TLE2: variants seen among roughly 807,000 people sequenced by gnomAD.
TLE2 encodes transducin-like enhancer protein 2.
A neutral mutation model predicts 97.2 loss-of-function variants in TLE2; 74 were observed. That is an observed-to-expected ratio of 0.76 (90% CI 0.63 to 0.92). The LOEUF (loss-of-function observed/expected upper bound fraction) is 0.92, where lower values mean the gene tolerates loss of function less well. Ranked by LOEUF, TLE2 falls within the 40% of genes least tolerant of loss-of-function variation. The pLI, the probability that TLE2 is intolerant of heterozygous loss-of-function variation, is 0.00. For missense variants in TLE2, 1,038 were observed against 1,008.7 expected (o/e 1.03, Z -0.39); for synonymous variants, 499 against 432.1 (o/e 1.15, Z -1.92).
At chr19:3,008,984 C>T in intron 13 of TLE2, 39 bp from the exon 14 acceptor site, 1 of 1,508,590 alleles carries the variant, frequency 6.6e-7, no homozygotes, top group South Asian at 1.3e-5. Flanking sequence ...AGGCAGGTGA[C>T]TCCAACCCAC....
chr19:3,041,926 G>A (rs1205287166), intron 1 of TLE2, among the ~76,000 whole-genome samples: 1 of 78,404 alleles, frequency 1.3e-5, no homozygotes, highest in Admixed American at 9.3e-5. Context: ...CCTTTGCGGG[G>A]GGCCCCGAGT....
chr19:3,033,980 C>T (rs558566386), upstream of TLE2, among the ~76,000 whole-genome samples: 367 of 152,168 alleles, frequency 2.4e-3, 3 homozygotes, highest in Non-Finnish European at 3.6e-3. Context: ...CTTCAGTGAC[C>T]GCCTCGTGAG....
In TLE2 at chr19:3,029,156, G is replaced by A; in HGVS notation, c.-252C>T. On this transcript the variant is annotated 5_prime_UTR_variant, in exon 1 of 20. Transcript: ENST00000262953. ...GCGGGCAGGGGCAGCGGCCGGGGCG[G>A]GAGCGCGGCGAGGGCGGCCGCGGCA... The A allele has an allele frequency of 3.3e-6, 3 of 920,586 alleles. No homozygotes were observed. The highest frequency in any genetic ancestry group is 3.9e-6 in the Non-Finnish European group (3 of 770,086). The allele number at this position is 920,586 out of a possible 1,614,324, so 57.0% of individuals were successfully genotyped here. A position where few individuals can be genotyped will look rare whatever the true frequency, so the allele number is the denominator to read the frequency against.
intron 1 of TLE2, among the ~76,000 whole-genome samples, chr19:3,041,013 A>ATTTTTTTT (rs1168699418): frequency 3.5e-5 from 1 of 28,976 alleles, no homozygotes; most frequent in Non-Finnish European, 5.7e-5. Flanking sequence ...ATATATATAT[A>ATTTTTTTT]TTTTTTTTTT....
intron 1 of TLE2, among the ~76,000 whole-genome samples, chr19:3,037,958 C>G (rs1027014910): frequency 8.6e-5 from 13 of 151,876 alleles, no homozygotes; most frequent in Non-Finnish European, 1.3e-4. Context: ...CCCATCTATA[C>G]TAAAAATAGA....
chr19:3,046,550 G>A (rs2090142317), upstream of TLE2, among the ~76,000 whole-genome samples: 3 of 151,990 alleles, frequency 2.0e-5, no homozygotes, highest in Admixed American at 2.0e-4. Context: ...AGACCCCGGA[G>A]TCCCCAGTCC....
chr19:3,015,927 T>TTGTTC (rs1398838069), intron 8 of TLE2, 167 bp from the exon 9 acceptor site: 5 of 696,840 alleles, frequency 7.2e-6, no homozygotes, highest in African/African-American at 1.8e-5. Context: ...TGCTAAGGTT[T>TTGTTC]TGTTCTCTCT....
chr19:3,000,803 G>C, intron 18 of TLE2, 80 bp from the exon 19 acceptor site: 1 of 1,051,814 alleles, frequency 9.5e-7, no homozygotes, highest in Non-Finnish European at 1.4e-6. Context: ...CGGGGAAGCT[G>C]GGTCTGGGTC....
intron 1 of TLE2, among the ~76,000 whole-genome samples, chr19:3,044,177 AAAAAAC>A (rs961123580): frequency 4.6e-5 from 7 of 151,574 alleles, no homozygotes; most frequent in Non-Finnish European, 4.4e-5. Context: ...TCACCAAAAA[AAAAAAC>A]AAAAACAAAC....
In TLE2 at chr19:3,017,911, T is replaced by C; in HGVS notation, c.551-52A>G. 4.4e-6 allele frequency: 7 copies of C among 1,586,548 alleles called. No individual in the cohort carries two copies. In the South Asian group the frequency reaches 7.8e-5, roughly 18 times the overall value. ...GAAAGAAGGAGAAAGAATGAGGCGT[T>C]TGTATCCACGGCGCCAGAGGGTACA... On this transcript the variant is annotated intron_variant, in intron 7 of 19. Coordinates refer to ENST00000262953, the MANE Select transcript of TLE2 (RefSeq NM_003260.5).
intron 1 of TLE2, among the ~76,000 whole-genome samples, chr19:3,036,245 G>C (rs773957511): frequency 2.0e-5 from 3 of 152,184 alleles, no homozygotes; most frequent in Non-Finnish European, 4.4e-5. Flanking sequence ...AGGAGAGCAC[G>C]GGTTTTCAGA....
intron 5 of TLE2, among the ~76,000 whole-genome samples, chr19:3,022,434 T>C (rs8100567): frequency 0.39 from 58,124 of 149,578 alleles, 12,465 homozygotes; most frequent in African/African-American, 0.58. Flanking sequence ...GAGGCTGAGG[T>C]GGAAGAATCG....
chr19:3,002,516 AG>A lies in TLE2; in HGVS notation c.1897-14del, dbSNP rs1409686421. Reference sequence around the variant, plus strand: ...CCAGGGAGAAAATCTGGGGGTAAAGAGGGAAGAGATGGGGTCACGAGCCCCT... The same window carrying A: ...CCAGGGAGAAAATCTGGGGGTAAAGAGGAAGAGATGGGGTCACGAGCCCCT... On this transcript the variant is annotated splice_polypyrimidine_tract_variant and intron_variant, in intron 17 of 19. Coordinates refer to ENST00000262953, the MANE Select transcript of TLE2 (RefSeq NM_003260.5). The A allele has an allele frequency of 2.6e-6, 4 of 1,554,282 alleles. No individual in the cohort carries two copies. The East Asian group carries it at 9.7e-5, about 38-fold the overall frequency.
chr19:3,026,308 C>T (rs2089941697), intron 4 of TLE2, among the ~76,000 whole-genome samples: 1 of 151,968 alleles, frequency 6.6e-6, no homozygotes. Flanking sequence ...ATTAGCCAGG[C>T]ATGGTAGCAG....
Position 3,019,423 on chromosome 19 carries a change from G to A in TLE2, c.410C>T (p.Pro137Leu), listed in dbSNP as rs757659767. 7.7e-5 allele frequency: 119 copies of A among 1,536,174 alleles called. No individual in the cohort carries two copies. Among genetic ancestry groups the A allele is most frequent in the Non-Finnish European group, 1.7e-5 (19 of 1,146,598 alleles). ...QPLSHHAPPV[P>L]LTPRPAGLVG... ...CAGCCCGGCTGGGCGGGGGGTGAGG[G>A]GCACAGGGGGTGCGTGGTGGGACAG... The change falls in exon 7 of 20, where the codon CCC becomes CTC. Residue 137 changes from proline to leucine, a missense_variant. Physicochemically the swap from Pro to Leu is moderately conservative, Grantham distance 98. Coordinates refer to ENST00000262953, the MANE Select transcript of TLE2 (RefSeq NM_003260.5). This position sits in a 1 kb window ranked among gnomAD's most constrained non-coding sequence, Gnocchi z 5.1.
intron 1 of TLE2, chr19:3,045,702 GCGCCTGTAATCCCAGCTACT>G (rs540696472): frequency 9.3e-6 from 4 of 431,912 alleles, no homozygotes; most frequent in East Asian, 1.5e-4. Context: ...GTGGTGGCGG[GCGCCTGTAATCCCAGCTACT>G]CGCCTGTAAT....
At position 3,019,374 on chromosome 19, in the gene TLE2, C is replaced by T. The variant is rs1334396791; in HGVS notation, c.459G>A (p.Leu153=). The change falls in exon 7 of 20, where the codon CTG becomes CTA. Residue 153 remains leucine (L), a synonymous_variant. Coordinates refer to ENST00000262953, the MANE Select transcript of TLE2 (RefSeq NM_003260.5). This position sits in a 1 kb window ranked among gnomAD's most constrained non-coding sequence, Gnocchi z 5.1. ...AGLVGGSATG[L]LALSGALAAQ... ...CAGCCAGGGCTCCAGACAGAGCAAG[C>T]AGCCCCGTAGCACTGCCGCCCACCA... The T allele has an allele frequency of 2.6e-6, 4 of 1,553,868 alleles. No homozygotes were observed. The South Asian group carries it at 3.5e-5, about 14-fold the overall frequency.
At position 3,036,892 on chromosome 19, in the gene TLE2, G is replaced by T. The variant is rs8103226; in HGVS notation, c.64-8089C>A. 1.2e-3 allele frequency among the ~76,000 whole-genome samples: 188 copies of T among 152,268 alleles called. 1 individual carries two copies. Among genetic ancestry groups the T allele is most frequent in the African/African-American group, 4.4e-3 (184 of 41,558 alleles). ...TGTGGTCGGGGTTGGGGTTAGGGAG[G>T]ATCAGAGCTGGGGGTGGGAGTGGGG... is the stretch of plus-strand genomic sequence containing the variant. On this transcript the variant is annotated intron_variant, in intron 1 of 18. Transcript: ENST00000426948.
rs199912249 is a variant in TLE2 at position 3,014,609 on chromosome 19, G to A, written c.684C>T (p.Ser228=). The A allele has an allele frequency of 3.5e-4, 556 of 1,588,780 alleles. No individual in the cohort carries two copies. The highest frequency in any genetic ancestry group is 1.3e-3 in the Middle Eastern group (8 of 5,994). ...DEKEPSGPYE[S]DEDKSDYNLV... is the part of the protein sequence containing the mutation. ...GATTGTAATCACTCTTGTCTTCGTC[G>A]CTTTCCTGGGGGAAGATGGGGGAGA... Residue 228 remains serine (S), a synonymous_variant, in exon 10 of 20, where the codon AGC becomes AGT. Coordinates refer to ENST00000262953, the MANE Select transcript of TLE2 (RefSeq NM_003260.5).
Sources: allele counts gnomAD v4.1 joint callset (sites outside exome capture counted in the v4.1 genomes callset), GRCh38; gene constraint gnomAD v4.1.1; non-coding constraint Gnocchi (gnomAD v3.1); transcripts MANE v1.5; gene names NCBI Gene and HGNC (gene_info 2026-07-23, HGNC 2026-07-21).